Variants in DHX35 observed in about 807,000 individuals in gnomAD.
DHX35 encodes DEAH-box helicase 35.
In DHX35, 84 loss-of-function variants were observed where a neutral mutation model predicts 99.6. That is an observed-to-expected ratio of 0.84 (90% CI 0.71 to 1.01). The LOEUF (loss-of-function observed/expected upper bound fraction) is 1.01, where lower values mean the gene tolerates loss of function less well. Among genes scored for constraint, DHX35 ranks in the 50% least tolerant of loss-of-function variants. The probability of loss-of-function intolerance (pLI) is 0.00; values close to 1 mark genes in which losing one functional copy is unlikely to be tolerated. For synonymous variants in DHX35, 331 were observed against 316.2 expected, an observed-to-expected ratio of 1.05 and a Z score of -0.50; for missense variants, 852 against 888.5, an observed-to-expected ratio of 0.96 and a Z score of 0.52.
intron 11 of DHX35, among the ~76,000 whole-genome samples, chr20:39,004,506 G>A (rs2086581737): frequency 6.6e-6 from 1 of 152,206 alleles, no homozygotes; most frequent in Non-Finnish European, 1.5e-5. Flanking sequence ...GATTGTTTAG[G>A]GGGATTGAGG....
chr20:38,983,265 T>C (rs60985691), intron 3 of DHX35, among the ~76,000 whole-genome samples: 3,144 of 152,342 alleles, frequency 0.021, 119 homozygotes, highest in African/African-American at 0.072. Context: ...TATAGTCATA[T>C]ATATAAAATC....
At chr20:38,963,396 G>A (rs1243959318) in intron 1 of DHX35, among the ~76,000 whole-genome samples, 1 of 152,106 alleles carries the variant, frequency 6.6e-6, no homozygotes, top group East Asian at 1.9e-4. Context: ...CTGAAATTCT[G>A]ACCATGCATA....
At chr20:38,997,600 T>G (rs1386776070) in intron 8 of DHX35, among the ~76,000 whole-genome samples, 6 of 152,162 alleles carry the variant, frequency 3.9e-5, no homozygotes, top group African/African-American at 1.4e-4. Flanking sequence ...GGGCCATTCC[T>G]TCTTATCCTG....
intron 3 of DHX35, among the ~76,000 whole-genome samples, chr20:38,979,907 A>G (rs6028235): frequency 0.38 from 57,012 of 151,076 alleles, 11,357 homozygotes; most frequent in Middle Eastern, 0.52. Flanking sequence ...CTTAAGTACA[A>G]TTTTTATTAG....
intron 15 of DHX35, among the ~76,000 whole-genome samples, chr20:39,019,597 AT>A (rs1487837182): frequency 6.6e-6 from 1 of 152,200 alleles, no homozygotes; most frequent in Non-Finnish European, 1.5e-5. Context: ...ACAAATAATA[AT>A]TGTATATATT....
chr20:39,008,972 A>C (rs1402235996), intron 12 of DHX35, among the ~76,000 whole-genome samples: 1 of 152,144 alleles, frequency 6.6e-6, no homozygotes, highest in African/African-American at 2.4e-5. Context: ...CTTGAGGGTC[A>C]ACTGTTTCTG....
intron 13 of DHX35, among the ~76,000 whole-genome samples, chr20:39,012,038 C>T (rs952616158): frequency 6.6e-6 from 1 of 151,974 alleles, no homozygotes; most frequent in Non-Finnish European, 1.5e-5. Flanking sequence ...ACTTGAGGTC[C>T]GGACTTCAAG....
chr20:39,011,512 T>A (rs1207690860), intron 13 of DHX35, among the ~76,000 whole-genome samples: 1 of 152,136 alleles, frequency 6.6e-6, no homozygotes, highest in Non-Finnish European at 1.5e-5. Flanking sequence ...ATTTTTTATA[T>A]TTTTAGTAGA....
At chr20:39,020,074 T>C (rs929588068) in intron 15 of DHX35, among the ~76,000 whole-genome samples, 1 of 152,242 alleles carries the variant, frequency 6.6e-6, no homozygotes, top group African/African-American at 2.4e-5. Flanking sequence ...GTTCTCTTCT[T>C]TTTTAAGGCT....
intron 6 of DHX35, among the ~76,000 whole-genome samples, chr20:38,992,041 T>G (rs368211488): frequency 6.6e-6 from 1 of 152,192 alleles, no homozygotes; most frequent in East Asian, 1.9e-4. Flanking sequence ...TTTGTTCTGA[T>G]TTTTATGTGT....
At chr20:39,014,173 A>T (rs564704648) in intron 13 of DHX35, among the ~76,000 whole-genome samples, 4 of 152,380 alleles carry the variant, frequency 2.6e-5, no homozygotes, top group Non-Finnish European at 2.9e-5. Flanking sequence ...CAGTTTAAAA[A>T]TGTACTGTAA....
At chr20:38,988,642 A>C (rs2086285183) in intron 4 of DHX35, among the ~76,000 whole-genome samples, 171 bp from the exon 5 acceptor site, 2 of 152,118 alleles carry the variant, frequency 1.3e-5, no homozygotes, top group South Asian at 4.1e-4. Context: ...TAATAATAAT[A>C]ATAAAAATTG....
intron 14 of DHX35, among the ~76,000 whole-genome samples, chr20:39,015,698 G>A (rs975586703): frequency 2.0e-5 from 3 of 151,864 alleles, no homozygotes; most frequent in Non-Finnish European, 4.4e-5. Context: ...TATAGTTTAT[G>A]TACTATACAA....
chr20:38,998,957 C>G (rs527733636), intron 8 of DHX35, among the ~76,000 whole-genome samples: 1 of 152,060 alleles, frequency 6.6e-6, no homozygotes, highest in Non-Finnish European at 1.5e-5. Context: ...CCACCACGCT[C>G]AGCCAATTTT....
rs370820070 is a variant in DHX35, at chr20:39,025,210, C to G, written c.1672-20C>G. On this transcript the variant is annotated intron_variant, in intron 17 of 21. Transcript: ENST00000252011. Reference sequence around the variant, plus strand: ...GAACATATCTGTTTTCTAACTCCCTCTCTCTGGGTTGTTCTGTAGCACAAT... The same window carrying G: ...GAACATATCTGTTTTCTAACTCCCTGTCTCTGGGTTGTTCTGTAGCACAAT... 2.5e-6 allele frequency: 4 copies of G among 1,598,708 alleles called. No individual in the cohort carries two copies. Among genetic ancestry groups the G allele is most frequent in the South Asian group, 1.1e-5 (1 of 88,258 alleles).
intron 3 of DHX35, among the ~76,000 whole-genome samples, chr20:38,982,463 T>A (rs1219320669): frequency 6.6e-6 from 1 of 152,222 alleles, no homozygotes; most frequent in Non-Finnish European, 1.5e-5. Flanking sequence ...CATCTGTTAG[T>A]GTTTATATTT....
chr20:38,979,941 C>T (rs2086146813), intron 3 of DHX35, among the ~76,000 whole-genome samples: 1 of 151,508 alleles, frequency 6.6e-6, no homozygotes. Context: ...GGAGTTCTTC[C>T]TAATTCTGTC....
In DHX35 at chr20:39,018,905, T is replaced by G. The variant is rs1328161812; in HGVS notation, c.1498+6T>G. ...CAAAATGCTGCTTGAATCAGGTGGG[T>G]AGAGCCTGATAGCTTGAATTGATTT... On this transcript the variant is annotated splice_donor_region_variant and intron_variant, in intron 15 of 21. Transcript: ENST00000252011. 1 of 1,612,722 alleles carries G rather than the reference T, an allele frequency of 6.2e-7. No homozygotes were observed. Among genetic ancestry groups the G allele is most frequent in the Non-Finnish European group, 8.5e-7 (1 of 1,179,132 alleles).
chr20:39,001,375 C>T (rs76802177), intron 8 of DHX35, among the ~76,000 whole-genome samples: 9,482 of 152,260 alleles, frequency 0.062, 376 homozygotes, highest in Admixed American at 0.11. Flanking sequence ...GAACTTGAGT[C>T]ACACCTTTGA....
Sources: allele counts gnomAD v4.1 joint callset (sites outside exome capture counted in the v4.1 genomes callset), GRCh38; gene constraint gnomAD v4.1.1; transcripts MANE v1.5; gene names NCBI Gene and HGNC (gene_info 2026-07-23, HGNC 2026-07-21).